The following FBXW7 variants were observed in gnomAD, a reference collection of about 807,000 sequenced individuals.
FBXW7 encodes the protein F-box/WD repeat-containing protein 7.
FBXW7 carries 11 observed loss-of-function variants against 86.3 expected under a neutral mutation model. That is an observed-to-expected ratio of 0.13 (90% confidence interval 0.08 to 0.21). FBXW7 has a LOEUF of 0.21. Among genes scored for constraint, FBXW7 ranks in the 10% least tolerant of loss-of-function variants. The probability of loss-of-function intolerance (pLI) is 1.00; values close to 1 mark genes in which losing one functional copy is unlikely to be tolerated. For missense variants in FBXW7, 488 were observed against 847.4 expected, an observed-to-expected ratio of 0.58 and a Z score of 5.27; for synonymous variants, 313 against 297.9, an observed-to-expected ratio of 1.05 and a Z score of -0.52.
At chr4:152,442,145 C>A (rs1269444672) in intron 2 of FBXW7, among the ~76,000 whole-genome samples, 1 of 152,158 alleles carries the variant, frequency 6.6e-6, no homozygotes, top group Non-Finnish European at 1.5e-5. Context: ...CCCTACTTAT[C>A]AAAGCAATGT....
At chr4:152,382,621 G>T in intron 4 of FBXW7, 1 of 391,904 alleles carries the variant, frequency 2.6e-6, no homozygotes, top group Non-Finnish European at 3.7e-6. Context: ...CTCATACAAA[G>T]TCAGTAATGT....
In FBXW7 at chr4:152,535,554, G is replaced by A. The variant is rs1266298813; in HGVS notation, c.-640C>T. 1 of 396,434 alleles carries A rather than the reference G, an allele frequency of 2.5e-6. No homozygotes were observed. 24.6% of individuals were successfully genotyped at this position (396,434 alleles called of 1,614,324 possible). Reference sequence around the variant, plus strand: ...CGGTTCATACACTCCGGGGCAAGATGCTACGGCCCCGGGCGGGTGGCCGAG... The same window carrying A: ...CGGTTCATACACTCCGGGGCAAGATACTACGGCCCCGGGCGGGTGGCCGAG... On this transcript the variant is annotated 5_prime_UTR_variant, in exon 1 of 14. Transcript: ENST00000281708.
chr4:152,323,945 G>C (rs904042624), intron 13 of FBXW7: 14 of 453,986 alleles, frequency 3.1e-5, no homozygotes, highest in African/African-American at 2.6e-4. Context: ...AGGTTAAGTA[G>C]AGTCAATTGA....
intron 2 of FBXW7, among the ~76,000 whole-genome samples, chr4:152,435,539 A>G (rs1471915793): frequency 6.6e-6 from 1 of 152,226 alleles, no homozygotes; most frequent in Non-Finnish European, 1.5e-5. Context: ...AATAATTTTC[A>G]GATCTCAGGA....
chr4:152,454,164 G>C (rs957595247), intron 2 of FBXW7, among the ~76,000 whole-genome samples: 3 of 150,702 alleles, frequency 2.0e-5, no homozygotes, highest in Non-Finnish European at 2.9e-5. Flanking sequence ...TAGTTAATTT[G>C]ATCTAAACAG....
chr4:152,331,836 T>C (rs1036077644), intron 8 of FBXW7, among the ~76,000 whole-genome samples: 3 of 152,074 alleles, frequency 2.0e-5, no homozygotes, highest in African/African-American at 4.8e-5. Context: ...TACTTAAGAA[T>C]GAAGATTTCA....
In FBXW7 at chr4:152,441,751, T is replaced by C. The variant is rs200423756; in HGVS notation, c.-119-29222A>G. Among the ~76,000 whole-genome samples, 12 of 152,316 alleles carry C rather than the reference T, an allele frequency of 7.9e-5. No individual in the cohort carries two copies. The East Asian group carries it at 1.9e-3, about 24-fold the overall frequency. On this transcript the variant is annotated intron_variant, in intron 2 of 13. Coordinates refer to ENST00000281708, the MANE Select transcript of FBXW7 (RefSeq NM_001349798.2). ...CCCAGGTCTGATTCTAAAAAATAAA[T>C]TTTAAAAAGCTCTCTTTGGAGGATA...
At chr4:152,424,751 A>T (rs1252392189) in intron 2 of FBXW7, among the ~76,000 whole-genome samples, 2 of 152,232 alleles carry the variant, frequency 1.3e-5, no homozygotes, top group African/African-American at 4.8e-5. Context: ...TCAAAACCTC[A>T]AATACTAAAT....
chr4:152,400,694 A>G (rs1041172135), intron 4 of FBXW7, among the ~76,000 whole-genome samples: 2 of 152,168 alleles, frequency 1.3e-5, no homozygotes, highest in African/African-American at 4.8e-5. Flanking sequence ...AGCATGATAC[A>G]TGAAAGAAAT....
intron 4 of FBXW7, among the ~76,000 whole-genome samples, chr4:152,384,269 T>C (rs918848588): frequency 6.6e-6 from 1 of 151,998 alleles, no homozygotes; most frequent in Non-Finnish European, 1.5e-5. Context: ...AGCCAAAAGG[T>C]AGAAGCAACT....
chr4:152,505,071 C>T (rs1747286516), intron 2 of FBXW7, among the ~76,000 whole-genome samples: 1 of 152,104 alleles, frequency 6.6e-6, no homozygotes, highest in African/African-American at 2.4e-5. Context: ...CTATTGCTCC[C>T]AGGTTACAAA....
rs1265788422 is a variant in FBXW7 at position 152,350,087 on chromosome 4, G to C, written c.539C>G (p.Ser180Cys). 9 of 1,568,408 alleles carry C rather than the reference G, an allele frequency of 5.7e-6. No homozygotes were observed. Among genetic ancestry groups the C allele is most frequent in the South Asian group, 2.4e-5 (2 of 84,872 alleles). The change falls in exon 5 of 14, where the codon TCT (serine) becomes TGT (cysteine). Residue 180 changes from serine (S) to cysteine (C), a missense_variant. By Grantham distance (112) the Ser-to-Cys change is moderately radical (BLOSUM62 -1). Around this residue, in one of 4 missense-constraint regions of FBXW7, gnomAD observed 230 missense variants for 240.0 expected, o/e 0.96. Coordinates refer to ENST00000281708, the MANE Select transcript of FBXW7 (RefSeq NM_001349798.2). ...GCATGGTTTCTTTCCCAAAGAAAAA[G>C]AGCGGACCTCAGAACCATGGTCCAA... ...RKLDHGSEVR[S>C]FSLGKKPCKV...
At chr4:152,431,796 A>C (rs938026551) in intron 2 of FBXW7, among the ~76,000 whole-genome samples, 2 of 152,230 alleles carry the variant, frequency 1.3e-5, no homozygotes, top group Non-Finnish European at 2.9e-5. Flanking sequence ...CCATGCCAAA[A>C]TTATGATTAC....
intron 4 of FBXW7, among the ~76,000 whole-genome samples, chr4:152,406,932 T>G (rs914532777): frequency 6.6e-6 from 1 of 152,160 alleles, no homozygotes; most frequent in Non-Finnish European, 1.5e-5. Context: ...TTGTGGGATT[T>G]GGGGTAAGGC....
At chr4:152,376,103 G>T (rs779911010) in intron 4 of FBXW7, among the ~76,000 whole-genome samples, 16 of 152,010 alleles carry the variant, frequency 1.1e-4, no homozygotes, top group Non-Finnish European at 2.2e-4. Flanking sequence ...TGACCCGTGA[G>T]ATTACTAATA....
intron 2 of FBXW7, among the ~76,000 whole-genome samples, chr4:152,459,858 T>C (rs918228706): frequency 7.2e-5 from 11 of 152,202 alleles, no homozygotes; most frequent in Non-Finnish European, 1.5e-4. Context: ...TTTCAGACCA[T>C]GGATGACCAC....
chr4:152,500,706 T>C (rs1746861291), intron 2 of FBXW7, among the ~76,000 whole-genome samples: 1 of 152,056 alleles, frequency 6.6e-6, no homozygotes, highest in South Asian at 2.1e-4. Flanking sequence ...GGATGGCTTC[T>C]GCTAGCAGGA....
At chr4:152,405,033 A>G (rs1490065062) in intron 4 of FBXW7, among the ~76,000 whole-genome samples, 1 of 146,282 alleles carries the variant, frequency 6.8e-6, no homozygotes, top group African/African-American at 2.5e-5. Context: ...TGGAGGCTGC[A>G]GTGAGCCATG....
chr4:152,352,402 C>G (rs1000575653), intron 4 of FBXW7: 3 of 1,592,950 alleles, frequency 1.9e-6, no homozygotes, highest in Non-Finnish European at 2.6e-6. Context: ...TCTGATGATA[C>G]AGATTTTCCT....
Sources: allele counts gnomAD v4.1 joint callset (sites outside exome capture counted in the v4.1 genomes callset), GRCh38; gene constraint gnomAD v4.1.1; regional missense constraint gnomAD v4.1.1; transcripts MANE v1.5; gene names NCBI Gene and HGNC (gene_info 2026-07-23, HGNC 2026-07-21).